PRSS23: variants seen among roughly 807,000 people sequenced by gnomAD.
PRSS23 encodes the protein protease, serine 23.
A neutral mutation model predicts 34.7 loss-of-function variants in PRSS23; 25 were observed. That is an observed-to-expected ratio of 0.72 (90% CI 0.53 to 1.01). The LOEUF is 1.01. Ranked by LOEUF, PRSS23 falls within the 50% of genes least tolerant of loss-of-function variation. The pLI, the probability that PRSS23 is intolerant of heterozygous loss-of-function variation, is 0.00. For synonymous variants in PRSS23, 176 were observed against 186.6 expected, an observed-to-expected ratio of 0.94 and a Z score of 0.46; for missense variants, 445 against 475.6, an observed-to-expected ratio of 0.94 and a Z score of 0.60.
chr11:86,937,607 T>C (rs1321882649), intron 2 of PRSS23: 2 of 152,152 alleles, frequency 1.3e-5, no homozygotes, highest in African/African-American at 4.8e-5. Flanking sequence ...TCCTCACTGC[T>C]ACACTCCCAC....
chr11:86,918,287 TA>T (rs2135000794), intron 2 of PRSS23, among the ~76,000 whole-genome samples: 1 of 152,264 alleles, frequency 6.6e-6, no homozygotes, highest in South Asian at 2.1e-4. Flanking sequence ...GAGGAGAAGG[TA>T]ATAGGAGGGT....
intron 2 of PRSS23, among the ~76,000 whole-genome samples, chr11:86,829,459 G>A (rs1432987400): frequency 6.6e-6 from 1 of 152,032 alleles, no homozygotes; most frequent in Non-Finnish European, 1.5e-5. Context: ...GTAGCTCATA[G>A]TTTGATTGTC....
chr11:86,880,322 G>T (rs1211362296), intron 2 of PRSS23, among the ~76,000 whole-genome samples: 1 of 150,184 alleles, frequency 6.7e-6, no homozygotes, highest in African/African-American at 2.5e-5. Flanking sequence ...AGGCCGCAGG[G>T]TCCTCTGCAT....
chr11:86,895,815 T>G (rs1164725196), intron 2 of PRSS23, among the ~76,000 whole-genome samples: 1 of 152,210 alleles, frequency 6.6e-6, no homozygotes, highest in Non-Finnish European at 1.5e-5. Flanking sequence ...TTTTGCACTA[T>G]TGTGTAGCCA....
intron 2 of PRSS23, among the ~76,000 whole-genome samples, chr11:86,883,231 C>G (rs184335522): frequency 2.6e-5 from 4 of 152,126 alleles, no homozygotes; most frequent in African/African-American, 9.7e-5. Context: ...TCATGCTACT[C>G]GACTTCAAAC....
intron 2 of PRSS23, among the ~76,000 whole-genome samples, chr11:86,916,662 C>T (rs1174268528): frequency 1.3e-5 from 2 of 152,190 alleles, no homozygotes; most frequent in African/African-American, 2.4e-5. Context: ...GCTCCCCTTC[C>T]CAGTTGGACC....
At chr11:86,903,263 A>G (rs371706824) in intron 2 of PRSS23, among the ~76,000 whole-genome samples, 4 of 152,166 alleles carry the variant, frequency 2.6e-5, no homozygotes, top group African/African-American at 9.7e-5. Flanking sequence ...TATAAAAAAT[A>G]TGATATCCAG....
chr11:86,930,323 A>C (rs546923919), intron 2 of PRSS23, among the ~76,000 whole-genome samples: 1 of 152,338 alleles, frequency 6.6e-6, no homozygotes, highest in South Asian at 2.1e-4. Flanking sequence ...AAATATATGC[A>C]GTTTGTAAAA....
chr11:86,821,445 T>C, intron 1 of PRSS23: 1 of 1,573,298 alleles, frequency 6.4e-7, no homozygotes, highest in South Asian at 1.1e-5. Context: ...CCATCAAGTA[T>C]GTGTCTGGTA....
rs924519450 is a variant in PRSS23, at chr11:86,808,012, G to A, written c.369G>A (p.Lys123=). 6.2e-7 allele frequency: 1 copy of A among 1,614,002 alleles called. No homozygotes were observed. Among genetic ancestry groups the A allele is most frequent in the African/African-American group, 1.3e-5 (1 of 74,896 alleles). ...ACCGAGACTCAGGGTCTTCAGGAAA[G>A]TCTCGAAGGAAGCGGCAGATTTATG... ...AQHRDSGSSG[K]SRRKRQIYGY... Residue 123 remains lysine (K), a synonymous_variant, in exon 2 of 2, where the codon AAG becomes AAA. Transcript: ENST00000280258.
Position 86,918,645 on chromosome 11 carries a change from C to T in PRSS23, c.207-32571C>T, listed in dbSNP as rs539028255. Among the ~76,000 whole-genome samples, 9 of 152,304 alleles carry T rather than the reference C, an allele frequency of 5.9e-5. No individual in the cohort carries two copies. In the South Asian group the frequency reaches 1.9e-3, roughly 32 times the overall value. The stretch of plus-strand genomic sequence containing the variant: ...AATTAGAATGTAGGCTCTGTGAGAG[C>T]TGAGATTAGTGTGTGCCAGCTTTAC... On this transcript the variant is annotated intron_variant, in intron 2 of 2. Coordinates refer to the PRSS23 transcript ENST00000533902.
chr11:86,878,342 C>T (rs1314453626), intron 2 of PRSS23, among the ~76,000 whole-genome samples: 1 of 150,476 alleles, frequency 6.6e-6, no homozygotes, highest in Non-Finnish European at 1.5e-5. Flanking sequence ...GCTGCCATCT[C>T]GGCTCACTGC....
chr11:86,831,277 T>C (rs1948353211), intron 2 of PRSS23, among the ~76,000 whole-genome samples: 1 of 152,088 alleles, frequency 6.6e-6, no homozygotes, highest in East Asian at 1.9e-4. Flanking sequence ...ATTCGTAATA[T>C]CCTAAGGGAA....
chr11:86,825,986 C>G (rs1341135719), intron 2 of PRSS23, among the ~76,000 whole-genome samples: 5 of 152,154 alleles, frequency 3.3e-5, no homozygotes, highest in Admixed American at 2.0e-4. Flanking sequence ...TCCATATGAA[C>G]TTTAAAGTAG....
chr11:86,807,404 A>G (rs1215802901), intron 1 of PRSS23, among the ~76,000 whole-genome samples: 4 of 152,200 alleles, frequency 2.6e-5, no homozygotes, highest in Non-Finnish European at 5.9e-5. Flanking sequence ...ATAGAAAGGA[A>G]GGAACACCCA....
intron 2 of PRSS23, among the ~76,000 whole-genome samples, chr11:86,859,647 C>G (rs1948598902): frequency 6.6e-6 from 1 of 151,834 alleles, no homozygotes; most frequent in African/African-American, 2.4e-5. Context: ...AATATTGTTC[C>G]TAGTATCCAG....
chr11:86,815,089 G>C (rs940997925), downstream of PRSS23, among the ~76,000 whole-genome samples: 4 of 152,204 alleles, frequency 2.6e-5, no homozygotes, highest in Non-Finnish European at 5.9e-5. Context: ...GCCTTGGAGA[G>C]AATGAGGAGA....
chr11:86,831,191 A>C (rs187381417), intron 2 of PRSS23, among the ~76,000 whole-genome samples: 34 of 152,096 alleles, frequency 2.2e-4, no homozygotes, highest in African/African-American at 8.0e-4. Flanking sequence ...ATGCTTGTAC[A>C]CCCTGCGATA....
intron 2 of PRSS23, among the ~76,000 whole-genome samples, chr11:86,939,431 T>TTTTTTTAAAAATATATATATATA (rs1555084022): frequency 7.1e-6 from 1 of 141,748 alleles, no homozygotes; most frequent in Non-Finnish European, 1.5e-5. Context: ...TATATATTTT[T>TTTTTTTAAAAATATATATATATA]TAACATGAGT....
Sources: gnomAD v4.1 joint callset for allele counts (sites outside exome capture counted in the v4.1 genomes callset) on GRCh38, gnomAD v4.1.1 for gene constraint, MANE v1.5 for transcripts, NCBI Gene and HGNC (gene_info 2026-07-23, HGNC 2026-07-21) for gene names.